GATD1: variants seen among roughly 807,000 people sequenced by gnomAD.
GATD1 encodes the protein glutamine amidotransferase-like class 1 domain-containing protein 1.
GATD1 carries 23 observed loss-of-function variants against 25.9 expected under a neutral mutation model. The ratio of observed to expected loss-of-function variants is 0.89; its 90% CI spans 0.64 to 1.26. The LOEUF is 1.26. Among genes scored for constraint, GATD1 ranks in the 50% most tolerant of loss-of-function variants. The pLI, the probability that GATD1 is intolerant of heterozygous loss-of-function variation, is 0.00. For missense variants in GATD1, 347 were observed against 312.5 expected, an observed-to-expected ratio of 1.11 and a Z score of -0.83; for synonymous variants, 177 against 134.6, an observed-to-expected ratio of 1.31 and a Z score of -2.18.
Position 770,504 on chromosome 11 carries a change from A to G in GATD1, c.*393T>C. On this transcript the variant is annotated 3_prime_UTR_variant, in exon 8 of 8. Transcript: ENST00000319863. ...CAGTGAAAGAGGTGGTGGGTGGCAG[A>G]CAGGCCACAGCAGGGCAAACCCACA... The G allele has an allele frequency of 4.9e-6, 7 of 1,436,810 alleles. No individual in the cohort carries two copies. The highest frequency in any genetic ancestry group is 6.4e-6 in the Non-Finnish European group (7 of 1,096,498). 89.0% of individuals were successfully genotyped at this position (1,436,810 alleles called of 1,614,324 possible).
In GATD1 at chr11:772,476, G is replaced by A; in HGVS notation, c.401C>T (p.Ala134Val). Reference protein sequence around the residue: ...VGHGVAALCCATNEDRSWVFD... With the variant: ...VGHGVAALCCVTNEDRSWVFD... ...CACCCAGGATCTGTCCTCGTTGGTG[G>A]CACAGCACAGGGCGGCGACACCGTG... Residue 134 changes from alanine (A) to valine (V), a missense_variant, in exon 5 of 8, where the codon GCC (alanine) becomes GTC (valine). Physicochemically the swap from Ala to Val is moderately conservative, Grantham distance 64 (BLOSUM62 0). Coordinates refer to ENST00000319863, the MANE Select transcript of GATD1 (RefSeq NM_182612.4). 2 of 1,613,110 alleles carry A rather than the reference G, an allele frequency of 1.2e-6. No homozygotes were observed. Among genetic ancestry groups the A allele is most frequent in the Non-Finnish European group, 1.7e-6 (2 of 1,179,990 alleles).
intron 4 of GATD1, 187 bp downstream of exon 4, chr11:773,335 A>G: frequency 1.7e-6 from 1 of 573,832 alleles, no homozygotes; most frequent in Non-Finnish European, 3.0e-6. Flanking sequence ...CCAGGAGACG[A>G]CAAAGTCTGT....
At position 767,356 on chromosome 11, in the gene GATD1, G is replaced by A. The variant is rs962906105; in HGVS notation, c.*3541C>T. ...CTTTCCTCCTCTGCCCCAGCCTGGT[G>A]CTGCCCCAAGCCCTGCCCTGGCAAA... On this transcript the variant is annotated 3_prime_UTR_variant, in exon 8 of 8. Coordinates refer to ENST00000319863, the MANE Select transcript of GATD1 (RefSeq NM_182612.4). 6.5e-7 allele frequency: 1 copy of A among 1,536,224 alleles called. No individual in the cohort carries two copies. Among genetic ancestry groups the A allele is most frequent in the Admixed American group, 2.0e-5 (1 of 50,994 alleles).
At position 770,460 on chromosome 11, in the gene GATD1, C is replaced by T. The variant is rs1464337637; in HGVS notation, c.*437G>A. The T allele has an allele frequency of 1.4e-6, 2 of 1,464,708 alleles. No homozygotes were observed. Among genetic ancestry groups the T allele is most frequent in the African/African-American group, 2.8e-5 (2 of 71,012 alleles). The allele number at this position is 1,464,708 out of a possible 1,614,324, so 90.7% of individuals were successfully genotyped here. On this transcript the variant is annotated 3_prime_UTR_variant, in exon 8 of 8. Transcript: ENST00000319863. ...GCCAGCTCCCGCCGGCTGGGCCCTC[C>T]CCTCAAGGCCCCCACCAACAGTGAA...
chr11:770,939 A>AGCACC, intron 7 of GATD1, 36 bp from the exon 8 acceptor site: 5 of 1,612,968 alleles, frequency 3.1e-6, no homozygotes, highest in Non-Finnish European at 4.2e-6. Flanking sequence ...CTTGGGCAAA[A>AGCACC]GCACCGGGTG....
At position 770,554 on chromosome 11, in the gene GATD1, T is replaced by C; in HGVS notation, c.*343A>G. 7.1e-7 allele frequency: 1 copy of C among 1,412,138 alleles called. No individual in the cohort carries two copies. The highest frequency in any genetic ancestry group is 2.6e-4 in the Middle Eastern group (1 of 3,802). The allele number at this position is 1,412,138 out of a possible 1,614,324, so 87.5% of individuals were successfully genotyped here. ...ACAGAGGACCCCCGAGCCGACTCTGTCTAGTCAACAGTGACCACACGTGAC... is the reference window on the plus strand; with the variant it reads ...ACAGAGGACCCCCGAGCCGACTCTGCCTAGTCAACAGTGACCACACGTGAC... On this transcript the variant is annotated 3_prime_UTR_variant, in exon 8 of 8. Transcript: ENST00000319863.
Position 770,440 on chromosome 11 carries a change from C to A in GATD1, c.*457G>T. 1.3e-6 allele frequency: 2 copies of A among 1,487,770 alleles called. No homozygotes were observed. Among genetic ancestry groups the A allele is most frequent in the Non-Finnish European group, 1.8e-6 (2 of 1,120,364 alleles). The allele number at this position is 1,487,770 out of a possible 1,614,324, so 92.2% of individuals were successfully genotyped here. A position where few individuals can be genotyped will look rare whatever the true frequency, so the allele number is the denominator to read the frequency against. ...ACCTTTGGCCAAAGTTCTGAGCCAGCTCCCGCCGGCTGGGCCCTCCCCTCA... is the reference window on the plus strand; with the variant it reads ...ACCTTTGGCCAAAGTTCTGAGCCAGATCCCGCCGGCTGGGCCCTCCCCTCA... On this transcript the variant is annotated 3_prime_UTR_variant, in exon 8 of 8. Transcript: ENST00000319863.
In GATD1 at chr11:770,832, G is replaced by A; in HGVS notation, c.*65C>T. 1 of 1,556,364 alleles carries A rather than the reference G, an allele frequency of 6.4e-7. No individual in the cohort carries two copies. Among genetic ancestry groups the A allele is most frequent in the South Asian group, 1.2e-5 (1 of 82,034 alleles). On this transcript the variant is annotated 3_prime_UTR_variant, in exon 8 of 8. Coordinates refer to ENST00000319863, the MANE Select transcript of GATD1 (RefSeq NM_182612.4). ...GGAGGGAAGAGGCGGGGTCCCTGAA[G>A]CCTGAGACGGGGCTGCCTCTGGAGA...
Position 769,181 on chromosome 11 carries a change from A to G in GATD1, c.*1716T>C. On this transcript the variant is annotated 3_prime_UTR_variant, in exon 8 of 8. Coordinates refer to ENST00000319863, the MANE Select transcript of GATD1 (RefSeq NM_182612.4). Reference sequence around the variant, plus strand: ...GATGAGAGTGGACCCGGGACAGAGCAAGGCCCCGTGGCCAGTGCTAAGTGG... The same window carrying G: ...GATGAGAGTGGACCCGGGACAGAGCGAGGCCCCGTGGCCAGTGCTAAGTGG... 1.0e-6 allele frequency: 1 copy of G among 985,472 alleles called. No individual in the cohort carries two copies. Among genetic ancestry groups the G allele is most frequent in the Non-Finnish European group, 1.2e-6 (1 of 829,950 alleles). 61.0% of individuals were successfully genotyped at this position (985,472 alleles called of 1,614,324 possible).
At position 770,291 on chromosome 11, in the gene GATD1, G is replaced by A. The variant is rs1015099091; in HGVS notation, c.*606C>T. 1.4e-5 allele frequency: 21 copies of A among 1,514,030 alleles called. No individual in the cohort carries two copies. Among genetic ancestry groups the A allele is most frequent in the East Asian group, 2.5e-5 (1 of 40,738 alleles). The allele number at this position is 1,514,030 out of a possible 1,614,324, so 93.8% of individuals were successfully genotyped here. ...AACGTGCCTCTCAATGCTTAGGACA[G>A]GGTGCATCACTGAGGTGCTTACACT... On this transcript the variant is annotated 3_prime_UTR_variant, in exon 8 of 8. Transcript: ENST00000319863.
chr11:772,128 C>A (rs572237611), intron 5 of GATD1, among the ~76,000 whole-genome samples: 1 of 152,296 alleles, frequency 6.6e-6, no homozygotes, highest in African/African-American at 2.4e-5. Flanking sequence ...CTCCCCACGT[C>A]CCCTGGTGAG....
In GATD1 at chr11:770,917, G is replaced by A. The variant is rs761919107; in HGVS notation, c.657-14C>T. 1.4e-5 allele frequency: 23 copies of A among 1,611,816 alleles called. No individual in the cohort carries two copies. The highest frequency in any genetic ancestry group is 6.7e-5 in the Admixed American group (4 of 59,944). ...CAGGTTCATTTCCTGCAGGACAGAC[G>A]TGTGGTCAAAGCTTGGGCAAAAGCA... On this transcript the variant is annotated splice_polypyrimidine_tract_variant and intron_variant, in intron 7 of 7. Coordinates refer to ENST00000319863, the MANE Select transcript of GATD1 (RefSeq NM_182612.4).
intron 4 of GATD1, 176 bp downstream of exon 4, chr11:773,346 G>A: frequency 1.7e-6 from 1 of 593,544 alleles, no homozygotes; most frequent in East Asian, 3.3e-5. Flanking sequence ...CAAAGTCTGT[G>A]TGTGTCGGGG....
At chr11:773,357 G>T in intron 4 of GATD1, 165 bp downstream of exon 4, 1 of 616,070 alleles carries the variant, frequency 1.6e-6, no homozygotes. Context: ...TGTGTCGGGG[G>T]AAGGGGCAGT....
In GATD1 at chr11:774,123, C is replaced by G. The variant is rs1565015209; in HGVS notation, c.142-10G>C. The G allele has an allele frequency of 6.2e-7, 1 of 1,610,038 alleles. No individual in the cohort carries two copies. ...ATTCCATGGCTTTCCCCTGGAGAAG[C>G]AGAGCCCAGGGGCCGAGGGTCAGCA... On this transcript the variant is annotated splice_polypyrimidine_tract_variant and intron_variant, in intron 2 of 7. Transcript: ENST00000319863.
At position 770,358 on chromosome 11, in the gene GATD1, C is replaced by T; in HGVS notation, c.*539G>A. 1 of 1,534,094 alleles carries T rather than the reference C, an allele frequency of 6.5e-7. No homozygotes were observed. Among genetic ancestry groups the T allele is most frequent in the Non-Finnish European group, 8.7e-7 (1 of 1,145,918 alleles). On this transcript the variant is annotated 3_prime_UTR_variant, in exon 8 of 8. Transcript: ENST00000319863. ...GGAAGATTTCTTCAACAGGAAAGTG[C>T]TGCCAGTGCCGGTCGGCCTTGGGGC...
chr11:776,343 A>T (rs758929666), intron 1 of GATD1, among the ~76,000 whole-genome samples: 1 of 152,164 alleles, frequency 6.6e-6, no homozygotes, highest in African/African-American at 2.4e-5. Flanking sequence ...GAGGAAAAAC[A>T]AAGTGCCCAG....
In GATD1 at chr11:771,079, G is replaced by C; in HGVS notation, c.570C>G (p.Val190=). 2 of 1,608,136 alleles carry C rather than the reference G, an allele frequency of 1.2e-6. No individual in the cohort carries two copies. Among genetic ancestry groups the C allele is most frequent in the Non-Finnish European group, 1.7e-6 (2 of 1,178,348 alleles). ...FSASEPDAVH[V]VLDRHLVTGQ... ...CTGTGACCAGGTGGCGGTCCAGCAC[G>C]ACGTGGACAGCGTCAGGCTCGCTTG... Residue 190 remains valine, a synonymous_variant, in exon 7 of 8, where the codon GTC becomes GTG. Coordinates refer to ENST00000319863, the MANE Select transcript of GATD1 (RefSeq NM_182612.4).
At chr11:776,360 G>A (rs1863981194) in intron 1 of GATD1, among the ~76,000 whole-genome samples, 1 of 152,108 alleles carries the variant, frequency 6.6e-6, no homozygotes, top group South Asian at 2.1e-4. Flanking sequence ...CCAGTAGACT[G>A]CCGCAGGCTC....
Sources: allele counts gnomAD v4.1 joint callset (sites outside exome capture counted in the v4.1 genomes callset), GRCh38; gene constraint gnomAD v4.1.1; transcripts MANE v1.5; gene names NCBI Gene and HGNC (gene_info 2026-07-23, HGNC 2026-07-21).